GNG7: variants seen among roughly 807,000 people sequenced by gnomAD.
GNG7 encodes guanine nucleotide-binding protein G(I)/G(S)/G(O) subunit gamma-7.
In GNG7, 1 loss-of-function variant was observed where a neutral mutation model predicts 4.0. The ratio of observed to expected loss-of-function variants is 0.25; its 90% confidence interval spans 0.09 to 1.18. The LOEUF is 1.18. Ranked by LOEUF, GNG7 falls within the 50% of genes most tolerant of loss-of-function variation. The pLI is 0.50. For synonymous variants in GNG7, 34 were observed against 36.9 expected (o/e 0.92, Z 0.29); for missense variants, 86 against 91.9 (o/e 0.94, Z 0.26).
intron 1 of GNG7, among the ~76,000 whole-genome samples, chr19:2,680,658 C>G (rs1983709088): frequency 6.6e-6 from 1 of 150,866 alleles, no homozygotes; most frequent in Non-Finnish European, 1.5e-5. Flanking sequence ...CCACTGCAAC[C>G]TCCGCCTCCT....
chr19:2,526,973 G>A (rs896737048), intron 3 of GNG7, among the ~76,000 whole-genome samples: 7 of 151,774 alleles, frequency 4.6e-5, no homozygotes, highest in Non-Finnish European at 7.4e-5. Context: ...AGCCTCCCGA[G>A]TAGCTGGGAC....
At chr19:2,651,327 C>CT (rs1982816343) in intron 1 of GNG7, among the ~76,000 whole-genome samples, 3 of 71,238 alleles carry the variant, frequency 4.2e-5, no homozygotes, top group African/African-American at 6.6e-5. Context: ...CCCTCCCTCC[C>CT]TCCCTACCTT....
At chr19:2,548,831 C>G (rs1979219901) in intron 3 of GNG7, among the ~76,000 whole-genome samples, 1 of 149,796 alleles carries the variant, frequency 6.7e-6, no homozygotes, top group Admixed American at 6.6e-5. Flanking sequence ...CAGCGACAAC[C>G]CCCTCTCAAG....
At chr19:2,594,398 A>G (rs867812873) in intron 2 of GNG7, among the ~76,000 whole-genome samples, 1 of 98,812 alleles carries the variant, frequency 1.0e-5, no homozygotes, top group African/African-American at 4.1e-5. Flanking sequence ...AAGGAAAGAA[A>G]GAAGGAGGGA....
At chr19:2,693,899 C>T (rs1011207813) in intron 1 of GNG7, among the ~76,000 whole-genome samples, 2 of 152,130 alleles carry the variant, frequency 1.3e-5, no homozygotes, top group African/African-American at 2.4e-5. Context: ...GCCGCCTCCT[C>T]TTGGAGGCTC....
At chr19:2,584,994 G>A (rs1389730294) in intron 2 of GNG7, among the ~76,000 whole-genome samples, 15 of 59,474 alleles carry the variant, frequency 2.5e-4, no homozygotes, top group East Asian at 7.8e-4. Flanking sequence ...GAGGGAGGGA[G>A]GGAAGGAAGG....
At chr19:2,578,020 G>A (rs916582041) in intron 2 of GNG7, among the ~76,000 whole-genome samples, 5 of 151,500 alleles carry the variant, frequency 3.3e-5, no homozygotes, top group South Asian at 2.1e-4. Flanking sequence ...TTATTTTTTT[G>A]TAGAGACGGA....
chr19:2,671,975 C>T (rs1435779389), intron 1 of GNG7, among the ~76,000 whole-genome samples: 2 of 131,064 alleles, frequency 1.5e-5, no homozygotes, highest in African/African-American at 5.8e-5. Context: ...GGCATGAACC[C>T]GGGAGGTGGA....
chr19:2,581,834 T>C (rs1048161162), intron 2 of GNG7, among the ~76,000 whole-genome samples: 3 of 152,194 alleles, frequency 2.0e-5, no homozygotes, highest in Non-Finnish European at 4.4e-5. Context: ...AGTGGCCAGT[T>C]GCTCAATTTG....
chr19:2,655,690 T>A (rs964561235), intron 1 of GNG7, among the ~76,000 whole-genome samples: 3 of 151,576 alleles, frequency 2.0e-5, no homozygotes, highest in Non-Finnish European at 2.9e-5. Flanking sequence ...TACAAAAAAA[T>A]TAGCCGGGCG....
At chr19:2,525,387 G>A (rs574341547) in intron 3 of GNG7, among the ~76,000 whole-genome samples, 8 of 152,172 alleles carry the variant, frequency 5.3e-5, no homozygotes, top group Admixed American at 5.2e-4. Context: ...GCCCGGCCCC[G>A]CGCTGGCCTC....
chr19:2,551,543 GTATT>G (rs1176925576), intron 3 of GNG7, among the ~76,000 whole-genome samples: 2 of 78,684 alleles, frequency 2.5e-5, no homozygotes, highest in African/African-American at 1.3e-4. Flanking sequence ...ATATTTATAT[GTATT>G]TATTAATATA....
intron 1 of GNG7, among the ~76,000 whole-genome samples, chr19:2,682,119 G>T (rs1262853998): frequency 6.6e-6 from 1 of 151,590 alleles, no homozygotes; most frequent in East Asian, 2.0e-4. Context: ...ATGTTGGCCA[G>T]GCTGGTCTTG....
At chr19:2,627,058 C>T (rs1240544394) in intron 2 of GNG7, among the ~76,000 whole-genome samples, 1 of 152,182 alleles carries the variant, frequency 6.6e-6, no homozygotes, top group East Asian at 1.9e-4. Context: ...TCCTCTCTCT[C>T]TTCCCACTCA....
intron 2 of GNG7, among the ~76,000 whole-genome samples, chr19:2,597,911 A>G (rs1238584637): frequency 6.7e-6 from 1 of 148,944 alleles, no homozygotes; most frequent in African/African-American, 2.4e-5. Context: ...AAAAAAAAAA[A>G]AAGAAATTAA....
rs181220250 is a variant in GNG7, at chr19:2,601,885, G to C, written c.-78+44339C>G. Among the ~76,000 whole-genome samples, 4 of 152,186 alleles carry C rather than the reference G, an allele frequency of 2.6e-5. No homozygotes were observed. The East Asian group carries it at 5.8e-4, about 22-fold the overall frequency. ...TCACTGCACTTCAGCCTGGGCCACA[G>C]AGTAAGACCCTGTCTCAGAAAGAAG... On this transcript the variant is annotated intron_variant, in intron 2 of 4. Transcript: ENST00000382159.
chr19:2,674,850 G>C (rs1490779397), intron 1 of GNG7, among the ~76,000 whole-genome samples: 1 of 152,108 alleles, frequency 6.6e-6, no homozygotes, highest in Non-Finnish European at 1.5e-5. Context: ...TTCCACCCTC[G>C]ACAGCGCCGA....
At chr19:2,560,073 G>A (rs1487602928) in intron 2 of GNG7, among the ~76,000 whole-genome samples, 1 of 152,118 alleles carries the variant, frequency 6.6e-6, no homozygotes, top group African/African-American at 2.4e-5. Context: ...CGGGGAGGCG[G>A]AGCGTGGCCT....
At chr19:2,576,963 C>T (rs1040948243) in intron 2 of GNG7, among the ~76,000 whole-genome samples, 5 of 152,258 alleles carry the variant, frequency 3.3e-5, no homozygotes, top group Non-Finnish European at 7.3e-5. Flanking sequence ...GGATTACAGG[C>T]GTGGGCCTCT....
Sources: gnomAD v4.1 joint callset for allele counts (sites outside exome capture counted in the v4.1 genomes callset) on GRCh38, gnomAD v4.1.1 for gene constraint, MANE v1.5 for transcripts, NCBI Gene and HGNC (gene_info 2026-07-23, HGNC 2026-07-21) for gene names.